ADIPOR2: variants seen among roughly 807,000 people sequenced by gnomAD.
The protein encoded by ADIPOR2 is adiponectin receptor protein 2.
A neutral mutation model predicts 40.9 loss-of-function variants in ADIPOR2; 18 were observed. That is an observed-to-expected ratio of 0.44 (90% CI 0.30 to 0.65). The LOEUF (loss-of-function observed/expected upper bound fraction) is 0.65. ADIPOR2 is among the 30% of genes least tolerant of loss of function. ADIPOR2 has a pLI of 0.09. For missense variants in ADIPOR2, 283 were observed against 479.2 expected, an observed-to-expected ratio of 0.59 and a Z score of 3.82; for synonymous variants, 165 against 166.4, an observed-to-expected ratio of 0.99 and a Z score of 0.06.
At chr12:1,750,269 T>C (rs577965625) in intron 1 of ADIPOR2, among the ~76,000 whole-genome samples, 1 of 152,178 alleles carries the variant, frequency 6.6e-6, no homozygotes, top group African/African-American at 2.4e-5. Context: ...TATAGAAAAG[T>C]AAATGATGGC....
intron 1 of ADIPOR2, among the ~76,000 whole-genome samples, chr12:1,747,773 G>A (rs2094758931): frequency 6.6e-6 from 1 of 151,840 alleles, no homozygotes; most frequent in Non-Finnish European, 1.5e-5. Flanking sequence ...CATTGTTTCT[G>A]CTTAGAAGTC....
chr12:1,754,603 A>G (rs1862073001), intron 2 of ADIPOR2, 89 bp downstream of exon 2: 6 of 1,318,114 alleles, frequency 4.6e-6, no homozygotes, highest in South Asian at 1.7e-5. Context: ...GTGGGGGTCC[A>G]TTGCTGGAGG....
chr12:1,698,699 A>T (rs1330330026), intron 1 of ADIPOR2, among the ~76,000 whole-genome samples: 1 of 152,196 alleles, frequency 6.6e-6, no homozygotes, highest in African/African-American at 2.4e-5. Context: ...CATACATTTT[A>T]TGTATATTTA....
At chr12:1,694,868 C>G (rs1371446352) in intron 1 of ADIPOR2, among the ~76,000 whole-genome samples, 4 of 150,934 alleles carry the variant, frequency 2.7e-5, no homozygotes, top group Admixed American at 6.6e-5. Flanking sequence ...CAGAAAGTTC[C>G]CATATTCCCT....
At chr12:1,734,243 C>T (rs1237872265) in intron 1 of ADIPOR2, among the ~76,000 whole-genome samples, 3 of 152,280 alleles carry the variant, frequency 2.0e-5, no homozygotes, top group South Asian at 4.1e-4. Context: ...TAAAAGTGTT[C>T]CTATTTCTCC....
At chr12:1,716,994 G>A (rs903181910) in intron 1 of ADIPOR2, among the ~76,000 whole-genome samples, 2 of 152,168 alleles carry the variant, frequency 1.3e-5, no homozygotes, top group African/African-American at 2.4e-5. Context: ...ACCTTAATAA[G>A]CAGGCAATAG....
intron 1 of ADIPOR2, among the ~76,000 whole-genome samples, chr12:1,740,460 C>T (rs550521166): frequency 1.3e-5 from 2 of 152,230 alleles, no homozygotes; most frequent in South Asian, 2.1e-4. Context: ...TCCCTGGTGT[C>T]TCTTCTTACA....
intron 3 of ADIPOR2, among the ~76,000 whole-genome samples, chr12:1,777,590 C>G (rs1365794111): frequency 1.3e-5 from 2 of 151,892 alleles, no homozygotes; most frequent in Non-Finnish European, 2.9e-5. Context: ...GTTCGAGCTC[C>G]TGACCTCAGG....
At chr12:1,706,817 T>C (rs2094664164) in intron 1 of ADIPOR2, among the ~76,000 whole-genome samples, 1 of 152,082 alleles carries the variant, frequency 6.6e-6, no homozygotes, top group African/African-American at 2.4e-5. Flanking sequence ...ATACATTCAT[T>C]TTGTCTCTTA....
intron 1 of ADIPOR2, among the ~76,000 whole-genome samples, chr12:1,748,374 G>A (rs559602749): frequency 6.5e-4 from 99 of 151,888 alleles, no homozygotes; most frequent in Admixed American, 1.2e-3. Context: ...TCAGCCTCCC[G>A]AGTAGCTGGA....
At chr12:1,720,828 A>G (rs1416496169) in intron 1 of ADIPOR2, among the ~76,000 whole-genome samples, 1 of 152,158 alleles carries the variant, frequency 6.6e-6, no homozygotes, top group Non-Finnish European at 1.5e-5. Context: ...TCCCTAAACT[A>G]AAGGAAAAAG....
chr12:1,723,768 G>A (rs191911173), intron 1 of ADIPOR2, among the ~76,000 whole-genome samples: 19 of 152,228 alleles, frequency 1.2e-4, no homozygotes, highest in Non-Finnish European at 1.9e-4. Context: ...ACAGTAACGT[G>A]AGTCCTCAAA....
At chr12:1,710,149 C>A (rs1293199532) in intron 1 of ADIPOR2, among the ~76,000 whole-genome samples, 1 of 152,058 alleles carries the variant, frequency 6.6e-6, no homozygotes, top group Non-Finnish European at 1.5e-5. Flanking sequence ...GTAAAATGGA[C>A]CAATCAGTGC....
At chr12:1,719,411 A>G (rs1167086156) in intron 1 of ADIPOR2, among the ~76,000 whole-genome samples, 16 of 152,210 alleles carry the variant, frequency 1.1e-4, no homozygotes. Flanking sequence ...GACATTGTGG[A>G]TAAGAGCATT....
chr12:1,735,202 C>T (rs1178322888), intron 1 of ADIPOR2, among the ~76,000 whole-genome samples: 2 of 152,170 alleles, frequency 1.3e-5, no homozygotes, highest in East Asian at 1.9e-4. Flanking sequence ...GCCATTTTCA[C>T]GATACTGATT....
chr12:1,727,557 G>A (rs536908132), intron 1 of ADIPOR2, among the ~76,000 whole-genome samples: 2 of 152,152 alleles, frequency 1.3e-5, no homozygotes, highest in East Asian at 3.9e-4. Context: ...CCCTCCAGAG[G>A]AATCTGAAGC....
chr12:1,712,170 C>G (rs2094678662), intron 1 of ADIPOR2, among the ~76,000 whole-genome samples: 1 of 152,094 alleles, frequency 6.6e-6, no homozygotes, highest in South Asian at 2.1e-4. Flanking sequence ...AAGGGGACTT[C>G]TAAGAGATCC....
intron 2 of ADIPOR2, among the ~76,000 whole-genome samples, chr12:1,756,475 G>A (rs1006802196): frequency 2.4e-4 from 34 of 142,242 alleles, no homozygotes; most frequent in African/African-American, 8.3e-4. Context: ...TTTTTTTAAA[G>A]GACCAAAAGA....
Position 1,761,603 on chromosome 12 carries a change from A to G in ADIPOR2, c.171+7089A>G, listed in dbSNP as rs141273754. The stretch of plus-strand genomic sequence containing the variant: ...ATAGTCAGTTAGCTCTTGAGCTTTT[A>G]TGAAGAGACCTGCCTAGGTTAACTT... On this transcript the variant is annotated intron_variant, in intron 2 of 7. Transcript: ENST00000357103. Among the ~76,000 whole-genome samples the G allele has an allele frequency of 3.4e-3, 520 of 152,342 alleles. 4 individuals carry two copies. The highest frequency in any genetic ancestry group is 0.012 in the African/African-American group (493 of 41,572).
Sources: gnomAD v4.1 joint callset for allele counts (sites outside exome capture counted in the v4.1 genomes callset) on GRCh38, gnomAD v4.1.1 for gene constraint, MANE v1.5 for transcripts, NCBI Gene and HGNC (gene_info 2026-07-23, HGNC 2026-07-21) for gene names.